The following PRELID3A variants were observed in gnomAD, a reference collection of about 807,000 sequenced individuals.
PRELID3A encodes the protein PRELI domain containing protein 3A.
PRELID3A carries 27 observed loss-of-function variants against 23.0 expected under a neutral mutation model. The observed-to-expected ratio is 1.17, with a 90% confidence interval of 0.87 to 1.62. The LOEUF is 1.62. Among genes scored for constraint, PRELID3A ranks in the 40% most tolerant of loss-of-function variants. The pLI, the probability that PRELID3A is intolerant of heterozygous loss-of-function variation, is 0.00. For synonymous variants in PRELID3A, 87 were observed against 86.4 expected, an observed-to-expected ratio of 1.01 and a Z score of -0.04; for missense variants, 231 against 231.4, an observed-to-expected ratio of 1.00 and a Z score of 0.01.
intron 2 of PRELID3A, 58 bp downstream of exon 2, chr18:12,420,551 G>T (rs2030136969): frequency 4.2e-6 from 6 of 1,426,226 alleles, no homozygotes; most frequent in Non-Finnish European, 3.7e-6. Flanking sequence ...TCCCGCCCCC[G>T]CCCTCTCCCG....
rs1297923924 is a variant in PRELID3A, at chr18:12,424,252, A to AG, written c.291+2625dup. ...CCAGAAAACTCAGTTGTATGTAAAA[A>AG]GGAGCAGTTTATGCTCCAGTGAAGT... On this transcript the variant is annotated intron_variant, in intron 3 of 6. Transcript: ENST00000440960. Among the ~76,000 whole-genome samples, 6 of 152,356 alleles carry AG rather than the reference A, an allele frequency of 3.9e-5. No individual in the cohort carries two copies. The East Asian group carries it at 7.7e-4, about 20-fold the overall frequency.
chr18:12,420,305 C>A lies in PRELID3A; in HGVS notation c.33-20C>A. ...CCCGGCCCCGGCGCTTGCTCACCGC[C>A]GCCTATGCTCTCCCCGCAGCCACCC... On this transcript the variant is annotated intron_variant, in intron 1 of 6. Coordinates refer to ENST00000440960, the MANE Select transcript of PRELID3A (RefSeq NM_001142405.2). The A allele has an allele frequency of 6.3e-7, 1 of 1,586,298 alleles. No homozygotes were observed. Among genetic ancestry groups the A allele is most frequent in the Non-Finnish European group, 8.6e-7 (1 of 1,167,016 alleles).
chr18:12,426,948 C>G (rs1412415738), intron 3 of PRELID3A, 93 bp from the exon 4 acceptor site: 33 of 867,146 alleles, frequency 3.8e-5, no homozygotes, highest in Non-Finnish European at 5.5e-5. Flanking sequence ...TCTGGCCCCA[C>G]TAAGTGCTAA....
At position 12,407,974 on chromosome 18, in the gene PRELID3A, C is replaced by T. The variant is rs375521091; in HGVS notation, c.-2C>T. Reference sequence around the variant, plus strand: ...CAGAGCCCGCGCCCTGCGCCGGCGGCAATGAAGATCTGGAGCTCGGAGCAC... The same window carrying T: ...CAGAGCCCGCGCCCTGCGCCGGCGGTAATGAAGATCTGGAGCTCGGAGCAC... On this transcript the variant is annotated 5_prime_UTR_variant, in exon 1 of 7. Coordinates refer to ENST00000440960, the MANE Select transcript of PRELID3A (RefSeq NM_001142405.2). 2 of 1,297,978 alleles carry T rather than the reference C, an allele frequency of 1.5e-6. No homozygotes were observed. 80.4% of individuals were successfully genotyped at this position (1,297,978 alleles called of 1,614,324 possible). A position where few individuals can be genotyped will look rare whatever the true frequency, so the allele number is the denominator to read the frequency against.
intron 3 of PRELID3A, among the ~76,000 whole-genome samples, chr18:12,425,294 G>C (rs1215495274): frequency 1.3e-5 from 2 of 152,052 alleles, no homozygotes; most frequent in African/African-American, 4.8e-5. Context: ...CTGTTAGTGT[G>C]GCTCTAGAGC....
At chr18:12,412,221 T>C in intron 1 of PRELID3A, among the ~76,000 whole-genome samples, 1 of 137,744 alleles carries the variant, frequency 7.3e-6, no homozygotes, top group Non-Finnish European at 1.5e-5. Flanking sequence ...GGAGTCTCAC[T>C]CTGTTACCCA....
At chr18:12,420,249 G>A in intron 1 of PRELID3A, 76 bp from the exon 2 acceptor site, 1 of 1,503,618 alleles carries the variant, frequency 6.7e-7, no homozygotes, top group African/African-American at 1.4e-5. Context: ...CAGGCCTGGC[G>A]GCGGCTTTTC....
rs772329746 is a variant in PRELID3A at position 12,429,409 on chromosome 18, C to A, written c.*6C>A. ...CTGAAAGCGCTGTGAGCTAAGGAGG[C>A]CTGTGCCTGTGCTTGTCATAAATGG... is the stretch of plus-strand genomic sequence containing the variant. On this transcript the variant is annotated 3_prime_UTR_variant, in exon 6 of 7. Coordinates refer to ENST00000440960, the MANE Select transcript of PRELID3A (RefSeq NM_001142405.2). The A allele has an allele frequency of 6.2e-6, 10 of 1,612,642 alleles. No homozygotes were observed. The African/African-American group carries it at 9.4e-5, about 15-fold the overall frequency.
intron 2 of PRELID3A, chr18:12,421,329 C>T (rs980376644): frequency 5.3e-6 from 3 of 569,700 alleles, no homozygotes; most frequent in Non-Finnish European, 9.3e-6. Context: ...CTGCTGCACG[C>T]TCCACTCTGT....
chr18:12,417,898 C>G (rs2030015682), intron 1 of PRELID3A, among the ~76,000 whole-genome samples: 1 of 152,174 alleles, frequency 6.6e-6, no homozygotes, highest in Non-Finnish European at 1.5e-5. Context: ...GACACAATTG[C>G]ATGGTTCAAA....
Position 12,420,225 on chromosome 18 carries a change from A to C in PRELID3A, c.33-100A>C, listed in dbSNP as rs2030112235. 2.0e-6 allele frequency: 3 copies of C among 1,480,206 alleles called. No homozygotes were observed. In the East Asian group the frequency reaches 7.5e-5, roughly 37 times the overall value. The allele number at this position is 1,480,206 out of a possible 1,614,324, so 91.7% of individuals were successfully genotyped here. ...ACCAGCCTTTCATTAAAGTGAAGAG[A>C]CTAGCGCGTTGCCCAGGCCTGGCGG... On this transcript the variant is annotated intron_variant, in intron 1 of 6. Transcript: ENST00000440960.
At chr18:12,424,946 C>T (rs2030306774) in intron 3 of PRELID3A, among the ~76,000 whole-genome samples, 1 of 152,030 alleles carries the variant, frequency 6.6e-6, no homozygotes, top group African/African-American at 2.4e-5. Flanking sequence ...ATTTCCAGAC[C>T]AGCTTGGCCA....
At chr18:12,412,268 A>G (rs1909944640) in intron 1 of PRELID3A, among the ~76,000 whole-genome samples, 1 of 150,572 alleles carries the variant, frequency 6.6e-6, no homozygotes, top group African/African-American at 2.5e-5. Flanking sequence ...GTTCACTGCA[A>G]CCTCTGCCTC....
intron 5 of PRELID3A, among the ~76,000 whole-genome samples, chr18:12,428,428 T>G (rs2030447146): frequency 1.3e-5 from 2 of 152,188 alleles, no homozygotes; most frequent in Non-Finnish European, 2.9e-5. Flanking sequence ...ACTCTTCCCT[T>G]TCCTCCCTCT....
chr18:12,430,730 A>C (rs2030557395), intron 6 of PRELID3A, among the ~76,000 whole-genome samples: 1 of 127,952 alleles, frequency 7.8e-6, no homozygotes, highest in South Asian at 2.8e-4. Flanking sequence ...TGCTCTGTGT[A>C]ATGTGTATGT....
At chr18:12,410,612 A>G (rs186933883) in intron 1 of PRELID3A, 7 of 152,238 alleles carry the variant, frequency 4.6e-5, no homozygotes, top group Admixed American at 1.3e-4. Flanking sequence ...TTTGAGGATT[A>G]TAGACCTTTC....
In PRELID3A at chr18:12,420,318, C is replaced by A. The variant is rs4423486; in HGVS notation, c.33-7C>A. 6.2e-7 allele frequency: 1 copy of A among 1,601,696 alleles called. No homozygotes were observed. Among genetic ancestry groups the A allele is most frequent in the Non-Finnish European group, 8.5e-7 (1 of 1,175,076 alleles). ...CTTGCTCACCGCCGCCTATGCTCTC[C>A]CCGCAGCCACCCGTGGGACACGGTC... On this transcript the variant is annotated splice_region_variant and splice_polypyrimidine_tract_variant and intron_variant, in intron 1 of 6. Coordinates refer to ENST00000440960, the MANE Select transcript of PRELID3A (RefSeq NM_001142405.2).
Position 12,432,129 on chromosome 18 carries a change from C to T in PRELID3A, c.*1013C>T, listed in dbSNP as rs2030635092. On this transcript the variant is annotated 3_prime_UTR_variant, in exon 7 of 7. Transcript: ENST00000440960. ...TAAAGGCCTCCCGCAAGCTGCCAGT[C>T]GGCTCTTTTTCGCAAAGCCTTCCAG... The T allele has an allele frequency of 6.6e-6, 1 of 152,366 alleles. No homozygotes were observed. The highest frequency in any genetic ancestry group is 2.4e-5 in the African/African-American group (1 of 41,586). 9.4% of individuals were successfully genotyped at this position (152,366 alleles called of 1,614,324 possible). A position where few individuals can be genotyped will look rare whatever the true frequency, so the allele number is the denominator to read the frequency against.
intron 1 of PRELID3A, among the ~76,000 whole-genome samples, chr18:12,408,448 C>A (rs949736485): frequency 2.0e-5 from 3 of 152,154 alleles, no homozygotes; most frequent in Admixed American, 6.5e-5. Context: ...CATAAACCTT[C>A]CGCGCGTTTC....
Sources: gnomAD v4.1 joint callset for allele counts (sites outside exome capture counted in the v4.1 genomes callset) on GRCh38, gnomAD v4.1.1 for gene constraint, MANE v1.5 for transcripts, NCBI Gene and HGNC (gene_info 2026-07-23, HGNC 2026-07-21) for gene names.